The following PLD5 variants were observed in gnomAD, a reference collection of about 807,000 sequenced individuals.
PLD5 encodes the protein inactive phospholipase D5.
Under a neutral mutation model 61.1 loss-of-function variants are expected in PLD5, and 36 were observed. The observed-to-expected ratio is 0.59, with a 90% CI of 0.45 to 0.78. PLD5 has a LOEUF of 0.78. Among genes scored for constraint, PLD5 ranks in the 30% least tolerant of loss-of-function variants. PLD5 has a pLI of 0.00. For missense variants in PLD5, 515 were observed against 644.4 expected (o/e 0.80, Z 2.17); for synonymous variants, 243 against 242.8 (o/e 1.00, Z -0.01).
chr1:242,260,246 C>T (rs1256908892), intron 4 of PLD5, among the ~76,000 whole-genome samples: 2 of 151,758 alleles, frequency 1.3e-5, no homozygotes, highest in Non-Finnish European at 2.9e-5. Flanking sequence ...ACTTGGGAGG[C>T]TGAGGCAGAA....
At chr1:242,111,049 G>T (rs1158584487) in intron 7 of PLD5, among the ~76,000 whole-genome samples, 1 of 145,862 alleles carries the variant, frequency 6.9e-6, no homozygotes, top group Non-Finnish European at 1.5e-5. Context: ...GTGAAATAGG[G>T]CTTCTGAATT....
At chr1:242,095,961 T>C (rs1314381562) in intron 9 of PLD5, among the ~76,000 whole-genome samples, 1 of 152,096 alleles carries the variant, frequency 6.6e-6, no homozygotes, top group Non-Finnish European at 1.5e-5. Context: ...CTCTCTTTTT[T>C]TTTCTTTTTT....
chr1:242,434,834 T>C (rs559263450), intron 1 of PLD5, among the ~76,000 whole-genome samples: 4 of 152,204 alleles, frequency 2.6e-5, no homozygotes, highest in South Asian at 2.1e-4. Flanking sequence ...AGGATGGTCT[T>C]GATCTCCTGA....
intron 5 of PLD5, chr1:242,210,237 T>G (rs893813037): frequency 4.6e-5 from 7 of 152,212 alleles, no homozygotes; most frequent in African/African-American, 1.4e-4. Flanking sequence ...GCCACTCCAG[T>G]GAATACACAA....
rs570088110 is a variant in PLD5 at position 242,186,489 on chromosome 1, G to A, written c.735+33499C>T. On this transcript the variant is annotated intron_variant, in intron 5 of 9. Coordinates refer to ENST00000536534, the MANE Select transcript of PLD5 (RefSeq NM_001372062.1). ...TGAGCCACCATACCTGGCCTGGGCT[G>A]TAAGGAATATATTTTTTTTAAAGTT... Among the ~76,000 whole-genome samples the A allele has an allele frequency of 1.3e-5, 2 of 152,124 alleles. 1 individual carries two copies. Among genetic ancestry groups the A allele is most frequent in the Admixed American group, 1.3e-4 (2 of 15,282 alleles).
chr1:242,509,155 T>C (rs918800152), intron 1 of PLD5, among the ~76,000 whole-genome samples: 8 of 151,932 alleles, frequency 5.3e-5, no homozygotes, highest in Admixed American at 6.6e-5. Context: ...GGCAGACAGA[T>C]TGCCTGAGCT....
intron 9 of PLD5, among the ~76,000 whole-genome samples, chr1:242,093,820 TG>T (rs1006204819): frequency 5.3e-5 from 8 of 150,282 alleles, no homozygotes; most frequent in Non-Finnish European, 1.0e-4. Context: ...CAGCCTGGGG[TG>T]GGGGGAAAAT....
At chr1:242,394,892 A>G (rs1050699300) in intron 1 of PLD5, among the ~76,000 whole-genome samples, 3 of 115,486 alleles carry the variant, frequency 2.6e-5, no homozygotes, top group Non-Finnish European at 5.0e-5. Flanking sequence ...ATATGTATAT[A>G]TATGATTATA....
chr1:242,451,783 C>T (rs1666789621), intron 1 of PLD5, among the ~76,000 whole-genome samples: 1 of 151,992 alleles, frequency 6.6e-6, no homozygotes, highest in South Asian at 2.1e-4. Context: ...TGGCAACCTA[C>T]TGGCTGTAAG....
intron 5 of PLD5, among the ~76,000 whole-genome samples, chr1:242,141,329 T>A (rs995253717): frequency 6.6e-6 from 1 of 152,094 alleles, no homozygotes; most frequent in African/African-American, 2.4e-5. Context: ...CCCGATGACA[T>A]TTTCCATCTT....
rs200679637 is a variant in PLD5, at chr1:242,348,792, T to C, written c.190-550A>G. Among the ~76,000 whole-genome samples the C allele has an allele frequency of 6.8e-3, 1,029 of 152,270 alleles. 6 individuals carry two copies. The highest frequency in any genetic ancestry group is 0.045 in the East Asian group (230 of 5,154). ...TCAATAGGCCGGGCGCGGTGGCTCA[T>C]GCCTGTAATCCTAGCACTTTGGGAG... On this transcript the variant is annotated intron_variant, in intron 1 of 9. Transcript: ENST00000536534.
intron 5 of PLD5, among the ~76,000 whole-genome samples, chr1:242,173,793 G>T (rs1417449760): frequency 1.3e-5 from 2 of 152,078 alleles, no homozygotes; most frequent in African/African-American, 4.8e-5. Flanking sequence ...AACAAGAAAT[G>T]GGGAAAGGAT....
intron 5 of PLD5, among the ~76,000 whole-genome samples, chr1:242,191,279 G>C (rs1384560061): frequency 6.6e-6 from 1 of 152,090 alleles, no homozygotes; most frequent in East Asian, 1.9e-4. Context: ...TTATTTAAAA[G>C]AAGGTATTTA....
At chr1:242,286,916 A>G (rs1202408725) in intron 3 of PLD5, among the ~76,000 whole-genome samples, 1 of 152,190 alleles carries the variant, frequency 6.6e-6, no homozygotes, top group Non-Finnish European at 1.5e-5. Flanking sequence ...TTGCATGTAA[A>G]AGAGAGATAT....
At chr1:242,092,627 A>G (rs1659922814) in intron 9 of PLD5, among the ~76,000 whole-genome samples, 2 of 152,102 alleles carry the variant, frequency 1.3e-5, no homozygotes, top group Admixed American at 6.5e-5. Context: ...TCCCCTCTGC[A>G]GCAACTCAGG....
At chr1:242,166,102 G>C (rs764174159) in intron 5 of PLD5, among the ~76,000 whole-genome samples, 4 of 152,158 alleles carry the variant, frequency 2.6e-5, no homozygotes, top group Non-Finnish European at 5.9e-5. Context: ...GAAGAACCAG[G>C]GGCTATCCCA....
chr1:242,125,552 G>A (rs1662718905), intron 5 of PLD5, among the ~76,000 whole-genome samples: 1 of 152,122 alleles, frequency 6.6e-6, no homozygotes, highest in African/African-American at 2.4e-5. Flanking sequence ...AAAAATTACA[G>A]ATGATTTTTA....
rs1659374403 is a variant in PLD5, at chr1:242,084,673, TC to T, written c.*5180del. The T allele has an allele frequency of 6.6e-6, 1 of 151,854 alleles. No homozygotes were observed. The highest frequency in any genetic ancestry group is 2.4e-5 in the African/African-American group (1 of 41,338). The allele number at this position is 151,854 out of a possible 1,614,324, so 9.4% of individuals were successfully genotyped here. On this transcript the variant is annotated 3_prime_UTR_variant, in exon 10 of 10. Transcript: ENST00000536534. ...TGGGTTTGCTGAGCAGACACTAGGT[TC>T]TCTAGTGGGGTCTCTATGATTGTTT...
chr1:242,369,273 G>A (rs946913562), intron 1 of PLD5, among the ~76,000 whole-genome samples: 1 of 152,186 alleles, frequency 6.6e-6, no homozygotes, highest in Non-Finnish European at 1.5e-5. Context: ...TGGGGAAATA[G>A]GCATTGGGTT....
Sources: gnomAD v4.1 joint callset for allele counts (sites outside exome capture counted in the v4.1 genomes callset) on GRCh38, gnomAD v4.1.1 for gene constraint, MANE v1.5 for transcripts, NCBI Gene and HGNC (gene_info 2026-07-23, HGNC 2026-07-21) for gene names.